The following CALD1 variants were observed in gnomAD, a reference collection of about 807,000 sequenced individuals.
The protein encoded by CALD1 is caldesmon 1, also known as caldesmon.
CALD1 carries 33 observed loss-of-function variants against 99.9 expected under a neutral mutation model. The observed-to-expected ratio is 0.33, with a 90% confidence interval of 0.25 to 0.44. The LOEUF (loss-of-function observed/expected upper bound fraction) is 0.44, where lower values mean the gene tolerates loss of function less well. Among genes scored for constraint, CALD1 ranks in the 20% least tolerant of loss-of-function variants. The pLI is 1.00. For synonymous variants in CALD1, 310 were observed against 325.0 expected (o/e 0.95, Z 0.50); for missense variants, 861 against 962.1 (o/e 0.89, Z 1.39).
intron 3 of CALD1, among the ~76,000 whole-genome samples, chr7:134,911,198 CTTTTTTTTTTTT>C (rs964515625): frequency 8.5e-6 from 1 of 118,122 alleles, no homozygotes; most frequent in Non-Finnish European, 1.8e-5. Context: ...TTTCCTTTTT[CTTTTTTTTTTTT>C]TTTTTTTTGG....
intron 12 of CALD1, 51 bp from the exon 13 acceptor site, chr7:134,960,482 A>G: frequency 9.4e-7 from 1 of 1,065,820 alleles, no homozygotes; most frequent in Non-Finnish European, 1.5e-6. Flanking sequence ...ATTCCTTCCC[A>G]GGTAAAGTTT....
chr7:134,859,427 A>G (rs938128761), intron 2 of CALD1, among the ~76,000 whole-genome samples: 1 of 152,154 alleles, frequency 6.6e-6, no homozygotes, highest in Non-Finnish European at 1.5e-5. Context: ...GCCTATTCTG[A>G]TTTAGCATTA....
At chr7:134,818,013 C>G (rs373881370) in intron 1 of CALD1, among the ~76,000 whole-genome samples, 2 of 152,016 alleles carry the variant, frequency 1.3e-5, no homozygotes, top group South Asian at 2.1e-4. Flanking sequence ...TACTCTTTTT[C>G]TTTATTTCTT....
At chr7:134,928,492 G>A (rs1805231454) in intron 3 of CALD1, among the ~76,000 whole-genome samples, 1 of 150,072 alleles carries the variant, frequency 6.7e-6, no homozygotes, top group Non-Finnish European at 1.5e-5. Context: ...TTGCTTTTGT[G>A]CAGAATGTTT....
chr7:134,858,214 T>G (rs944360303), intron 2 of CALD1, among the ~76,000 whole-genome samples: 1 of 152,170 alleles, frequency 6.6e-6, no homozygotes, highest in African/African-American at 2.4e-5. Context: ...TTTCATTCCA[T>G]GTGAACCACT....
At chr7:134,769,682 G>C (rs1235139037) in intron 1 of CALD1, among the ~76,000 whole-genome samples, 1 of 152,064 alleles carries the variant, frequency 6.6e-6, no homozygotes, top group African/African-American at 2.4e-5. Context: ...CCAGACTAGA[G>C]TGCAGAGTGC....
At chr7:134,925,283 T>C (rs183628106) in intron 3 of CALD1, among the ~76,000 whole-genome samples, 1 of 152,082 alleles carries the variant, frequency 6.6e-6, no homozygotes, top group East Asian at 1.9e-4. Flanking sequence ...ATCTAGTTCA[T>C]GTCAGAGCTA....
At chr7:134,746,562 G>A (rs1411437731) in intron 1 of CALD1, among the ~76,000 whole-genome samples, 1 of 152,166 alleles carries the variant, frequency 6.6e-6, no homozygotes, top group Non-Finnish European at 1.5e-5. Context: ...GAGTTTTGAG[G>A]TGCATGCTAG....
chr7:134,726,789 T>C, the CALD1 span, among the ~76,000 whole-genome samples: 13 of 152,208 alleles, frequency 8.5e-5, no homozygotes, highest in Admixed American at 7.2e-4. Flanking sequence ...GGCTTAGAAA[T>C]TGAACAGGGA....
intron 1 of CALD1, among the ~76,000 whole-genome samples, chr7:134,817,601 T>A (rs1279182146): frequency 6.6e-6 from 1 of 152,144 alleles, no homozygotes; most frequent in African/African-American, 2.4e-5. Flanking sequence ...ATTCAGTACT[T>A]CTCCACATTT....
rs144924321 is a variant in CALD1 at position 134,915,188 on chromosome 7, C to T, written c.72-13566C>T. ...AACCTAGGCCCCCATGCCTCCTCCT[C>T]GGAACCTAGGCCTTCATGCAGCCCC... On this transcript the variant is annotated intron_variant, in intron 3 of 14. Transcript: ENST00000361675. 3.9e-4 allele frequency among the ~76,000 whole-genome samples: 59 copies of T among 152,334 alleles called. No homozygotes were observed. In the East Asian group the frequency reaches 5.8e-3, roughly 15 times the overall value.
At chr7:134,719,865 A>G in the CALD1 span, among the ~76,000 whole-genome samples, 1 of 152,172 alleles carries the variant, frequency 6.6e-6, no homozygotes, top group Admixed American at 6.5e-5. Flanking sequence ...GTTCACATCA[A>G]TCACCAAAGA....
At chr7:134,911,630 G>T (rs1433310443) in intron 3 of CALD1, among the ~76,000 whole-genome samples, 1 of 152,130 alleles carries the variant, frequency 6.6e-6, no homozygotes, top group Non-Finnish European at 1.5e-5. Flanking sequence ...GGAGTATTTG[G>T]CCTTTCCATG....
chr7:134,935,953 C>A (rs1002361052), intron 6 of CALD1, among the ~76,000 whole-genome samples, 188 bp downstream of exon 6: 2 of 152,070 alleles, frequency 1.3e-5, no homozygotes, highest in Admixed American at 6.6e-5. Context: ...TATCAGTCAG[C>A]ATTTTTTAAA....
rs367857618 is a variant in CALD1 at position 134,928,917 on chromosome 7, G to A, written c.218+17G>A. Reference sequence around the variant, plus strand: ...CCAGAACAGGTACTGTCCTCTTTGGGACGGGGAGTTTCTAACTTGCGTCTT... The same window carrying A: ...CCAGAACAGGTACTGTCCTCTTTGGAACGGGGAGTTTCTAACTTGCGTCTT... On this transcript the variant is annotated intron_variant, in intron 4 of 14. Coordinates refer to ENST00000361675, the MANE Select transcript of CALD1 (RefSeq NM_033138.4). 2.8e-5 allele frequency: 45 copies of A among 1,589,314 alleles called. No individual in the cohort carries two copies. In the African/African-American group the frequency reaches 3.1e-4, roughly 11 times the overall value.
chr7:134,956,781 T>A (rs1406421107), intron 9 of CALD1, among the ~76,000 whole-genome samples: 1 of 152,220 alleles, frequency 6.6e-6, no homozygotes. Context: ...TCAGCGTGCA[T>A]GTGCTTTGGC....
At chr7:134,790,875 T>C (rs1279931052) in intron 1 of CALD1, among the ~76,000 whole-genome samples, 2 of 152,226 alleles carry the variant, frequency 1.3e-5, no homozygotes, top group African/African-American at 4.8e-5. Flanking sequence ...TGTTTGATTA[T>C]GTCAAATTTT....
intron 3 of CALD1, among the ~76,000 whole-genome samples, chr7:134,903,023 G>C (rs1803107874): frequency 6.6e-6 from 1 of 152,098 alleles, no homozygotes; most frequent in Non-Finnish European, 1.5e-5. Context: ...AGACATGCAG[G>C]AAACGTAAGT....
At chr7:134,724,011 A>C in the CALD1 span, among the ~76,000 whole-genome samples, 1 of 152,238 alleles carries the variant, frequency 6.6e-6, no homozygotes, top group African/African-American at 2.4e-5. Context: ...TTAGACAAAA[A>C]GATGTGGGGC....
Sources: gnomAD v4.1 joint callset for allele counts (sites outside exome capture counted in the v4.1 genomes callset) on GRCh38, gnomAD v4.1.1 for gene constraint, MANE v1.5 for transcripts, NCBI Gene and HGNC (gene_info 2026-07-23, HGNC 2026-07-21) for gene names.